Variants in SND1 observed in about 807,000 individuals in gnomAD.
SND1 encodes the protein staphylococcal nuclease and tudor domain containing 1.
A neutral mutation model predicts 121.7 loss-of-function variants in SND1; 38 were observed. That is an observed-to-expected ratio of 0.31 (90% CI 0.24 to 0.41). SND1 has a LOEUF of 0.41. Among genes scored for constraint, SND1 ranks in the 10% least tolerant of loss-of-function variants. SND1 has a pLI of 1.00. For synonymous variants in SND1, 401 were observed against 447.4 expected, an observed-to-expected ratio of 0.90 and a Z score of 1.31; for missense variants, 868 against 1,184.6, an observed-to-expected ratio of 0.73 and a Z score of 3.92.
chr7:127,669,519 T>TA (rs1462955623), intron 1 of SND1, among the ~76,000 whole-genome samples: 1 of 152,226 alleles, frequency 6.6e-6, no homozygotes, highest in Non-Finnish European at 1.5e-5. Context: ...AGTCACTACC[T>TA]ATATCCTCCA....
chr7:127,865,753 T>C (rs1290945662), intron 12 of SND1, among the ~76,000 whole-genome samples: 1 of 151,932 alleles, frequency 6.6e-6, no homozygotes, highest in East Asian at 1.9e-4. Flanking sequence ...ACTACAGGCA[T>C]GCCATCATGC....
At chr7:127,944,566 A>G (rs1215094548) in intron 15 of SND1, among the ~76,000 whole-genome samples, 1 of 152,162 alleles carries the variant, frequency 6.6e-6, no homozygotes, top group Non-Finnish European at 1.5e-5. Flanking sequence ...CATTAATAAT[A>G]GCTCTTTGAT....
At chr7:127,982,302 A>C (rs1341381198) in intron 15 of SND1, among the ~76,000 whole-genome samples, 3 of 152,202 alleles carry the variant, frequency 2.0e-5, no homozygotes, top group Non-Finnish European at 4.4e-5. Context: ...CAAATGCATC[A>C]AACATTACAA....
At chr7:127,918,672 T>C (rs962291439) in intron 14 of SND1, among the ~76,000 whole-genome samples, 1 of 152,204 alleles carries the variant, frequency 6.6e-6, no homozygotes, top group African/African-American at 2.4e-5. Context: ...ATGAACGCTG[T>C]AAATAGTTCT....
chr7:128,029,619 A>C lies in SND1; in HGVS notation c.1779+38563A>C, dbSNP rs1208033614. On this transcript the variant is annotated intron_variant, in intron 16 of 23. Transcript: ENST00000354725. The surrounding 1 kb of genome is among the most constrained non-coding windows in gnomAD (Gnocchi z 4.2). ...CTGGAAGGAGGCCTGGTCCACCTCC[A>C]CGAGGTAGCGGCCTCGCATGTGCAT... is the stretch of plus-strand genomic sequence containing the variant. 7 of 1,614,050 alleles carry C rather than the reference A, an allele frequency of 4.3e-6. No individual in the cohort carries two copies. The highest frequency in any genetic ancestry group is 5.9e-6 in the Non-Finnish European group (7 of 1,180,012).
intron 15 of SND1, among the ~76,000 whole-genome samples, chr7:127,968,010 A>T (rs1326719759): frequency 6.6e-6 from 1 of 152,216 alleles, no homozygotes. Flanking sequence ...ACCTCCATTT[A>T]ACAAGTGAGA....
chr7:127,819,662 T>C (rs954555195), intron 11 of SND1, among the ~76,000 whole-genome samples: 9 of 152,138 alleles, frequency 5.9e-5, no homozygotes, highest in African/African-American at 1.9e-4. Flanking sequence ...TTTTGGCCCT[T>C]AGTTAACCCC....
chr7:127,736,437 T>C (rs1321526125), intron 10 of SND1, among the ~76,000 whole-genome samples: 3 of 152,254 alleles, frequency 2.0e-5, no homozygotes, highest in Non-Finnish European at 2.9e-5. Flanking sequence ...AATGTGGACG[T>C]GTCATAATTT....
At position 127,698,907 on chromosome 7, in the gene SND1, G is replaced by A; in HGVS notation, c.382G>A (p.Val128Ile). 6.2e-7 allele frequency: 1 copy of A among 1,613,742 alleles called. No homozygotes were observed. The highest frequency in any genetic ancestry group is 8.5e-7 in the Non-Finnish European group (1 of 1,179,736). The part of the protein sequence containing the change: ...TNGENIAESL[V>I]AEGLATRREG... ...TGGGGAAAACATTGCAGAATCACTGGTTGCAGAGGGCTTAGCCACCCGGAG... is the reference window on the plus strand; with the variant it reads ...TGGGGAAAACATTGCAGAATCACTGATTGCAGAGGGCTTAGCCACCCGGAG... The change falls in exon 4 of 24, where the codon GTT (valine) becomes ATT (isoleucine). Residue 128 changes from valine to isoleucine, a missense_variant. This residue lies in a region of SND1 where 743 missense variants were observed against 1,071.3 expected (regional missense o/e 0.69). Coordinates refer to ENST00000354725, the MANE Select transcript of SND1 (RefSeq NM_014390.4).
chr7:127,683,390 G>T (rs1562977152), intron 1 of SND1, among the ~76,000 whole-genome samples: 1 of 151,918 alleles, frequency 6.6e-6, no homozygotes, highest in Non-Finnish European at 1.5e-5. Context: ...TACTTTTTTT[G>T]ATTTTTAGTA....
intron 1 of SND1, among the ~76,000 whole-genome samples, chr7:127,667,020 T>C (rs974888758): frequency 6.6e-6 from 1 of 152,222 alleles, no homozygotes; most frequent in Non-Finnish European, 1.5e-5. Flanking sequence ...ATTTGCACTT[T>C]ATTTTGACAT....
chr7:128,044,368 A>G (rs1030324677), intron 16 of SND1, among the ~76,000 whole-genome samples: 6 of 152,206 alleles, frequency 3.9e-5, no homozygotes, highest in Admixed American at 1.3e-4. Context: ...TTTGTAGGCA[A>G]ATGCAGCCCT....
At chr7:127,668,124 C>T (rs898529792) in intron 1 of SND1, among the ~76,000 whole-genome samples, 1 of 152,162 alleles carries the variant, frequency 6.6e-6, no homozygotes, top group Non-Finnish European at 1.5e-5. Context: ...CACCTGAGAA[C>T]TTGTTAGAAA....
chr7:128,090,483 A>G (rs1793759122), intron 22 of SND1, among the ~76,000 whole-genome samples: 1 of 152,156 alleles, frequency 6.6e-6, no homozygotes, highest in Admixed American at 6.5e-5. Flanking sequence ...CGAACCATCC[A>G]AGAGGGCCAG....
At chr7:127,840,392 G>A (rs1355855050) in intron 11 of SND1, among the ~76,000 whole-genome samples, 1 of 152,164 alleles carries the variant, frequency 6.6e-6, no homozygotes. Flanking sequence ...GCTCTTTGTG[G>A]TCACTCATTG....
chr7:127,680,868 ATTTATG>A (rs1795712039), intron 1 of SND1, among the ~76,000 whole-genome samples: 1 of 151,866 alleles, frequency 6.6e-6, no homozygotes, highest in African/African-American at 2.4e-5. Flanking sequence ...AATCTTCACA[ATTTATG>A]TTTAGAGATT....
intron 10 of SND1, among the ~76,000 whole-genome samples, chr7:127,771,415 T>C (rs1797510799): frequency 6.6e-6 from 1 of 152,218 alleles, no homozygotes; most frequent in South Asian, 2.1e-4. Context: ...GTTGGCACAG[T>C]ATACTCTTAA....
At chr7:127,742,099 T>C (rs774113218) in intron 10 of SND1, among the ~76,000 whole-genome samples, 1 of 152,160 alleles carries the variant, frequency 6.6e-6, no homozygotes, top group Non-Finnish European at 1.5e-5. Context: ...AGAGATCTAC[T>C]TGATGGGCAG....
chr7:127,844,216 A>G (rs763378249), intron 11 of SND1, 108 bp from the exon 12 acceptor site: 4 of 681,476 alleles, frequency 5.9e-6, no homozygotes, highest in Non-Finnish European at 9.1e-6. Context: ...AGATTCAGAA[A>G]ACCAAACTGG....
Sources: gnomAD v4.1 joint callset for allele counts (sites outside exome capture counted in the v4.1 genomes callset) on GRCh38, gnomAD v4.1.1 for gene constraint, gnomAD v4.1.1 regional missense constraint, Gnocchi (gnomAD v3.1) non-coding constraint, MANE v1.5 for transcripts, NCBI Gene and HGNC (gene_info 2026-07-23, HGNC 2026-07-21) for gene names.